GALK2: variants seen among roughly 807,000 people sequenced by gnomAD.
GALK2 encodes N-acetylgalactosamine kinase.
GALK2 carries 36 observed loss-of-function variants against 52.4 expected under a neutral mutation model. The ratio of observed to expected loss-of-function variants is 0.69; its 90% CI spans 0.53 to 0.91. The LOEUF (loss-of-function observed/expected upper bound fraction) is 0.91. Ranked by LOEUF, GALK2 falls within the 40% of genes least tolerant of loss-of-function variation. GALK2 has a pLI of 0.00. For synonymous variants in GALK2, 176 were observed against 199.1 expected (o/e 0.88, Z 0.98); for missense variants, 579 against 559.1 (o/e 1.04, Z -0.36).
At position 49,328,174 on chromosome 15, in the gene GALK2, T is replaced by C. The variant is rs1341178270; in HGVS notation, c.*15T>C. On this transcript the variant is annotated 3_prime_UTR_variant, in exon 10 of 10. Transcript: ENST00000560031. ...TTGAGGCCTGAAAAAATGTAAAAAGTCTGAGAGAAACTACTTAGGGCACTT... is the reference window on the plus strand; with the variant it reads ...TTGAGGCCTGAAAAAATGTAAAAAGCCTGAGAGAAACTACTTAGGGCACTT... The C allele has an allele frequency of 4.4e-6, 7 of 1,607,280 alleles. No homozygotes were observed. The highest frequency in any genetic ancestry group is 6.0e-6 in the Non-Finnish European group (7 of 1,176,446).
intron 1 of GALK2, among the ~76,000 whole-genome samples, chr15:49,189,775 G>T (rs917832582): frequency 1.2e-4 from 19 of 152,148 alleles, no homozygotes. Flanking sequence ...CATGACCTGG[G>T]CAGGGCAAAA....
chr15:49,327,824 A>G (rs1378419019), intron 9 of GALK2, 128 bp from the exon 10 acceptor site: 3 of 787,534 alleles, frequency 3.8e-6, no homozygotes, highest in Non-Finnish European at 5.9e-6. Flanking sequence ...AAAATGTTTG[A>G]TGACACCTAA....
At chr15:49,244,247 A>AT (rs200358013) in intron 5 of GALK2, among the ~76,000 whole-genome samples, 30 of 150,006 alleles carry the variant, frequency 2.0e-4, no homozygotes, top group Middle Eastern at 3.4e-3. Flanking sequence ...TGTCCAGAAG[A>AT]TTTTTTTTTT....
chr15:49,297,616 G>A (rs1030825577), intron 8 of GALK2, among the ~76,000 whole-genome samples: 24 of 152,130 alleles, frequency 1.6e-4, no homozygotes, highest in African/African-American at 5.6e-4. Context: ...TATGGTAAAA[G>A]GAAGGGGTCC....
At chr15:49,353,296 A>C (rs1467615774) in intron 3 of GALK2, among the ~76,000 whole-genome samples, 1 of 152,204 alleles carries the variant, frequency 6.6e-6, no homozygotes, top group Admixed American at 6.5e-5. Flanking sequence ...CTTCAGTGCA[A>C]TCAAGGGTTT....
chr15:49,178,984 T>A (rs2085745384), intron 1 of GALK2, among the ~76,000 whole-genome samples: 1 of 152,158 alleles, frequency 6.6e-6, no homozygotes, highest in Non-Finnish European at 1.5e-5. Flanking sequence ...CATTCTTCTA[T>A]TCAACCTATC....
At chr15:49,367,668 A>C in exon 4 of GALK2, 1 of 1,415,342 alleles carries the variant, frequency 7.1e-7, no homozygotes, top group Non-Finnish European at 9.5e-7. Flanking sequence ...AAAAACTGTG[A>C]ATAAAATATA....
At chr15:49,178,195 C>CTATA (rs71120671) in intron 1 of GALK2, among the ~76,000 whole-genome samples, 4,323 of 50,404 alleles carry the variant, frequency 0.086, 330 homozygotes, top group African/African-American at 0.15. Context: ...AAAAGAAATA[C>CTATA]TATATATATA....
intron 2 of GALK2, among the ~76,000 whole-genome samples, chr15:49,203,847 G>A (rs2088009440): frequency 6.6e-6 from 1 of 152,152 alleles, no homozygotes; most frequent in Admixed American, 6.5e-5. Context: ...AGGCATGGTG[G>A]CTCACACTTG....
downstream of GALK2, among the ~76,000 whole-genome samples, chr15:49,333,369 T>A (rs1017332738): frequency 6.6e-6 from 1 of 152,208 alleles, no homozygotes; most frequent in African/African-American, 2.4e-5. Flanking sequence ...TATATCCAAA[T>A]ATGTATGTTT....
chr15:49,318,580 C>A (rs933543794), intron 8 of GALK2, among the ~76,000 whole-genome samples: 1 of 151,968 alleles, frequency 6.6e-6, no homozygotes, highest in Non-Finnish European at 1.5e-5. Context: ...TAAAAGTCCT[C>A]TGTTATTAGA....
intron 2 of GALK2, among the ~76,000 whole-genome samples, chr15:49,210,398 C>CT (rs1200519014): frequency 8.8e-5 from 13 of 147,984 alleles, no homozygotes; most frequent in African/African-American, 1.2e-4. Context: ...AAATTTCTAC[C>CT]TTTTTTTTTA....
chr15:49,346,487 G>C (rs148705877), intron 3 of GALK2, among the ~76,000 whole-genome samples: 1 of 152,120 alleles, frequency 6.6e-6, no homozygotes, highest in Admixed American at 6.5e-5. Context: ...GTAGATGTGA[G>C]AGCTGTTCTC....
At chr15:49,349,557 T>G (rs940920234) in intron 3 of GALK2, among the ~76,000 whole-genome samples, 5 of 152,212 alleles carry the variant, frequency 3.3e-5, no homozygotes, top group African/African-American at 1.2e-4. Flanking sequence ...AATCTGAAAT[T>G]GGTTCCTTTA....
At chr15:49,260,446 A>G (rs2092046719) in intron 5 of GALK2, among the ~76,000 whole-genome samples, 2 of 146,738 alleles carry the variant, frequency 1.4e-5, no homozygotes, top group Admixed American at 6.8e-5. Flanking sequence ...GTTTGAGTTC[A>G]TTGTAGATTC....
chr15:49,366,018 T>C (rs2045117539), intron 3 of GALK2: 3 of 802,318 alleles, frequency 3.7e-6, no homozygotes, highest in Admixed American at 3.4e-5. Flanking sequence ...ATATTACAAC[T>C]GTAAGAGGAC....
chr15:49,242,212 AATG>A (rs1251998717), intron 5 of GALK2, among the ~76,000 whole-genome samples: 1 of 152,234 alleles, frequency 6.6e-6, no homozygotes, highest in African/African-American at 2.4e-5. Context: ...ATAGGAAACA[AATG>A]ACATGTTAGG....
chr15:49,159,238 T>C (rs1377430690), intron 1 of GALK2, among the ~76,000 whole-genome samples: 1 of 152,234 alleles, frequency 6.6e-6, no homozygotes, highest in Non-Finnish European at 1.5e-5. Flanking sequence ...AATAACACTA[T>C]TTTAAGCAAT....
At chr15:49,241,583 A>G (rs2091095736) in intron 5 of GALK2, among the ~76,000 whole-genome samples, 1 of 152,214 alleles carries the variant, frequency 6.6e-6, no homozygotes, top group South Asian at 2.1e-4. Context: ...CTTTGACAAG[A>G]GCAGTTTTAG....
Sources: allele counts gnomAD v4.1 joint callset (sites outside exome capture counted in the v4.1 genomes callset), GRCh38; gene constraint gnomAD v4.1.1; transcripts MANE v1.5; gene names NCBI Gene and HGNC (gene_info 2026-07-23, HGNC 2026-07-21).